The following LSM8 variants were observed in gnomAD, a reference collection of about 807,000 sequenced individuals.
The protein encoded by LSM8 is LSM8 homolog, U6 small nuclear RNA associated.
A neutral mutation model predicts 15.0 loss-of-function variants in LSM8; 14 were observed. The ratio of observed to expected loss-of-function variants is 0.93; its 90% CI spans 0.62 to 1.46. The LOEUF (loss-of-function observed/expected upper bound fraction) is 1.46. Among genes scored for constraint, LSM8 ranks in the 40% most tolerant of loss-of-function variants. The pLI, the probability that LSM8 is intolerant of heterozygous loss-of-function variation, is 0.00. For synonymous variants in LSM8, 50 were observed against 42.1 expected, an observed-to-expected ratio of 1.19 and a Z score of -0.73; for missense variants, 90 against 115.4, an observed-to-expected ratio of 0.78 and a Z score of 1.01.
At chr7:118,185,751 T>G (rs1808878888) in intron 2 of LSM8, 57 bp downstream of exon 2, 1 of 1,499,250 alleles carries the variant, frequency 6.7e-7, no homozygotes, top group Admixed American at 1.7e-5. Context: ...GTTGCAAGTT[T>G]TATGTGAAAC....
In LSM8 at chr7:118,184,192, C is replaced by A. The variant is rs1161878656; in HGVS notation, c.-32C>A. 1 of 1,543,586 alleles carries A rather than the reference C, an allele frequency of 6.5e-7. No individual in the cohort carries two copies. The highest frequency in any genetic ancestry group is 8.7e-7 in the Non-Finnish European group (1 of 1,143,366). On this transcript the variant is annotated 5_prime_UTR_variant, in exon 1 of 4. In the 5' UTR this introduces an upstream ATG that the reference lacks. Coordinates refer to ENST00000249299, the MANE Select transcript of LSM8 (RefSeq NM_016200.5). Reference sequence around the variant, plus strand: ...TCAGTTCTGCTTGCTGTCGGCACCGCTGCGTTACCCGGAACCGCCGGGCCG... The same window carrying A: ...TCAGTTCTGCTTGCTGTCGGCACCGATGCGTTACCCGGAACCGCCGGGCCG...
chr7:118,185,624 A>G, intron 1 of LSM8, 30 bp from the exon 2 acceptor site: 1 of 1,582,704 alleles, frequency 6.3e-7, no homozygotes, highest in South Asian at 1.1e-5. Context: ...TGCATTCCCT[A>G]AGAAACACTT....
chr7:118,204,033 C>G lies in LSM8; in HGVS notation c.*12031C>G, dbSNP rs1470046154. 6.6e-6 allele frequency among the ~76,000 whole-genome samples: 1 copy of G among 151,634 alleles called. No homozygotes were observed. The highest frequency in any genetic ancestry group is 2.4e-5 in the African/African-American group (1 of 41,360). On this transcript the variant is annotated 3_prime_UTR_variant, in exon 4 of 4. Transcript: ENST00000249299. Reference sequence around the variant, plus strand: ...CTAAAAATAAATTATTTTACAGAGGCTACTAAGAATGTCCATGTTTTTTTC... The same window carrying G: ...CTAAAAATAAATTATTTTACAGAGGGTACTAAGAATGTCCATGTTTTTTTC...
At position 118,191,946 on chromosome 7, in the gene LSM8, T is replaced by G; in HGVS notation, c.235T>G (p.Ser79Ala). 1 of 1,613,286 alleles carries G rather than the reference T, an allele frequency of 6.2e-7. No homozygotes were observed. The change falls in exon 4 of 4, where the codon TCT becomes GCT. Residue 79 changes from serine (S) to alanine (A), a missense_variant. Physicochemically the swap from Ser to Ala is moderately conservative, Grantham distance 99. Transcript: ENST00000249299. Reference sequence around the variant, plus strand: ...TGGAGAAATCGATGAAGAAACAGATTCTGCGCTTGATTTGGGGAATATTCG... The same window carrying G: ...TGGAGAAATCGATGAAGAAACAGATGCTGCGCTTGATTTGGGGAATATTCG... ...VIGEIDEETD[S>A]ALDLGNIRAE... is the part of the protein sequence containing the mutation.
chr7:118,188,524 T>A, intron 3 of LSM8, 119 bp downstream of exon 3: 2 of 906,870 alleles, frequency 2.2e-6, no homozygotes, highest in South Asian at 4.3e-5. Context: ...CTTGCATTCA[T>A]TTCTTTCGTA....
rs549471206 is a variant in LSM8 at position 118,202,629 on chromosome 7, A to G, written c.*10627A>G. On this transcript the variant is annotated 3_prime_UTR_variant, in exon 4 of 4. Transcript: ENST00000249299. ...TTGGCCAGATCTTTGTCATATGGTT[A>G]CCCTAACTACAAGGGAGGCTAGGAA... 2.2e-4 allele frequency among the ~76,000 whole-genome samples: 34 copies of G among 152,052 alleles called. No individual in the cohort carries two copies. Among genetic ancestry groups the G allele is most frequent in the Middle Eastern group, 3.4e-3 (1 of 292 alleles).
At chr7:118,185,426 A>G in intron 1 of LSM8, 1 of 489,926 alleles carries the variant, frequency 2.0e-6, no homozygotes, top group South Asian at 2.5e-5. Flanking sequence ...GGCCAGGGTA[A>G]TAGAGATGGG....
rs1341398814 is a variant in LSM8, at chr7:118,193,793, A to C, written c.*1791A>C. Among the ~76,000 whole-genome samples the C allele has an allele frequency of 6.6e-6, 1 of 152,160 alleles. No individual in the cohort carries two copies. The highest frequency in any genetic ancestry group is 2.4e-5 in the African/African-American group (1 of 41,458). On this transcript the variant is annotated 3_prime_UTR_variant, in exon 4 of 4. Transcript: ENST00000249299. Reference sequence around the variant, plus strand: ...CATTCTAACAGTACAAATGAAGTCCAGAGTCAGATCTTTTCTCAAAATACT... The same window carrying C: ...CATTCTAACAGTACAAATGAAGTCCCGAGTCAGATCTTTTCTCAAAATACT...
rs1809151529 is a variant in LSM8, at chr7:118,200,337, A to C, written c.*8335A>C. Among the ~76,000 whole-genome samples, 2 of 152,082 alleles carry C rather than the reference A, an allele frequency of 1.3e-5. No individual in the cohort carries two copies. Among genetic ancestry groups the C allele is most frequent in the Non-Finnish European group, 2.9e-5 (2 of 68,002 alleles). The stretch of plus-strand genomic sequence containing the variant: ...GAACTTGCTGAATTTGAAGACTATT[A>C]ATGATGCAGCTCTCACTGGTACAAG... On this transcript the variant is annotated 3_prime_UTR_variant, in exon 4 of 4. Transcript: ENST00000249299.
chr7:118,197,161 T>C lies in LSM8; in HGVS notation c.*5159T>C, dbSNP rs57468031. Among the ~76,000 whole-genome samples the C allele has an allele frequency of 5.5e-3, 840 of 151,686 alleles. 6 individuals are homozygous for C. Among genetic ancestry groups the C allele is most frequent in the African/African-American group, 0.017 (714 of 41,352 alleles). ...TTCTCTCTTCTCTTTAGGGTAATGTTCAATTACACTGCATATATTTTGCTA... is the reference window on the plus strand; with the variant it reads ...TTCTCTCTTCTCTTTAGGGTAATGTCCAATTACACTGCATATATTTTGCTA... On this transcript the variant is annotated 3_prime_UTR_variant, in exon 4 of 4. Transcript: ENST00000249299.
chr7:118,197,883 A>T lies in LSM8; in HGVS notation c.*5881A>T, dbSNP rs1027242345. 6.6e-6 allele frequency among the ~76,000 whole-genome samples: 1 copy of T among 152,204 alleles called. No homozygotes were observed. Among genetic ancestry groups the T allele is most frequent in the Admixed American group, 6.5e-5 (1 of 15,284 alleles). On this transcript the variant is annotated 3_prime_UTR_variant, in exon 4 of 4. Coordinates refer to ENST00000249299, the MANE Select transcript of LSM8 (RefSeq NM_016200.5). ...GTACCTGCTTCCTTGTACTGTCAAGATTAAGATAAGCAGTTAGCACTCCCT... is the reference window on the plus strand; with the variant it reads ...GTACCTGCTTCCTTGTACTGTCAAGTTTAAGATAAGCAGTTAGCACTCCCT...
At chr7:118,189,710 A>T (rs1808947591) in intron 3 of LSM8, 1 of 151,822 alleles carries the variant, frequency 6.6e-6, no homozygotes, top group South Asian at 2.1e-4. Flanking sequence ...AAAATAGAAA[A>T]ATTAGCCTGG....
chr7:118,184,338 G>C, intron 1 of LSM8, 84 bp downstream of exon 1: 1 of 1,367,238 alleles, frequency 7.3e-7, no homozygotes, highest in Non-Finnish European at 9.6e-7. Context: ...TGGGAGGCCT[G>C]GCCTCGGCGG....
In LSM8 at chr7:118,194,338, A is replaced by G. The variant is rs1189352480; in HGVS notation, c.*2336A>G. On this transcript the variant is annotated 3_prime_UTR_variant, in exon 4 of 4. Transcript: ENST00000249299. ...AGATATTTTCATTAAAGTTATTTGG[A>G]AAGGGCAATTAACTGCAAAAGGGAC... Among the ~76,000 whole-genome samples the G allele has an allele frequency of 2.1e-5, 3 of 142,778 alleles. No individual in the cohort carries two copies. The highest frequency in any genetic ancestry group is 3.0e-5 in the Non-Finnish European group (2 of 65,826). The allele number at this position is 142,778 out of a possible 152,430, so 93.7% of individuals were successfully genotyped here. A position where few individuals can be genotyped will look rare whatever the true frequency, so the allele number is the denominator to read the frequency against.
Position 118,184,201 on chromosome 7 carries a change from C to T in LSM8, c.-23C>T, listed in dbSNP as rs563868832. 5.2e-6 allele frequency: 8 copies of T among 1,543,274 alleles called. No individual in the cohort carries two copies. Among genetic ancestry groups the T allele is most frequent in the South Asian group, 3.6e-5 (3 of 83,850 alleles). On this transcript the variant is annotated 5_prime_UTR_variant, in exon 1 of 4. Coordinates refer to ENST00000249299, the MANE Select transcript of LSM8 (RefSeq NM_016200.5). Reference sequence around the variant, plus strand: ...CTTGCTGTCGGCACCGCTGCGTTACCCGGAACCGCCGGGCCGAACAGCATG... The same window carrying T: ...CTTGCTGTCGGCACCGCTGCGTTACTCGGAACCGCCGGGCCGAACAGCATG...
In LSM8 at chr7:118,203,176, T is replaced by C. The variant is rs548993932; in HGVS notation, c.*11174T>C. Among the ~76,000 whole-genome samples the C allele has an allele frequency of 1.3e-5, 2 of 151,946 alleles. No homozygotes were observed. Among genetic ancestry groups the C allele is most frequent in the Non-Finnish European group, 2.9e-5 (2 of 67,908 alleles). ...TCCCAAACTCCAAAGCAAGATGTTC[T>C]AAGAAGACTCATTTAAAAAATTAAT... On this transcript the variant is annotated 3_prime_UTR_variant, in exon 4 of 4. Transcript: ENST00000249299.
At chr7:118,185,443 G>C (rs75437788) in intron 1 of LSM8, 34,340 of 520,048 alleles carry the variant, frequency 0.066, 1,313 homozygotes, top group East Asian at 0.12. Flanking sequence ...TGGGGGTATC[G>C]CTGTGTTGCC....
At chr7:118,191,823 T>C in intron 3 of LSM8, 89 bp from the exon 4 acceptor site, 1 of 938,278 alleles carries the variant, frequency 1.1e-6, no homozygotes, top group Non-Finnish European at 1.6e-6. Context: ...GGAAGAATGG[T>C]ACTCAGTGCT....
intron 2 of LSM8, among the ~76,000 whole-genome samples, chr7:118,186,167 C>A (rs62466466): frequency 0.068 from 10,408 of 152,120 alleles, 376 homozygotes; most frequent in East Asian, 0.11. Flanking sequence ...GATTGACTCT[C>A]TATATATACA....
Sources: allele counts gnomAD v4.1 joint callset (sites outside exome capture counted in the v4.1 genomes callset), GRCh38; gene constraint gnomAD v4.1.1; transcripts MANE v1.5; gene names NCBI Gene and HGNC (gene_info 2026-07-23, HGNC 2026-07-21).